ALDH18A1: variants seen among roughly 807,000 people sequenced by gnomAD.
The protein encoded by ALDH18A1 is delta-1-pyrroline-5-carboxylate synthase.
ALDH18A1 carries 44 observed loss-of-function variants against 88.8 expected under a neutral mutation model. That is an observed-to-expected ratio of 0.50 (90% CI 0.39 to 0.64). The LOEUF (loss-of-function observed/expected upper bound fraction) is 0.64. Ranked by LOEUF, ALDH18A1 falls within the 30% of genes least tolerant of loss-of-function variation. ALDH18A1 has a pLI of 0.00. For synonymous variants in ALDH18A1, 331 were observed against 372.1 expected, an observed-to-expected ratio of 0.89 and a Z score of 1.27; for missense variants, 782 against 1,009.5, an observed-to-expected ratio of 0.77 and a Z score of 3.05.
At chr10:95,608,795 G>A (rs1158107054) in intron 17 of ALDH18A1, among the ~76,000 whole-genome samples, 2 of 152,118 alleles carry the variant, frequency 1.3e-5, no homozygotes, top group African/African-American at 4.8e-5. Flanking sequence ...GCCACTGCCC[G>A]TGGCCTAAAA....
chr10:95,655,734 G>A (rs966156727), intron 1 of ALDH18A1, among the ~76,000 whole-genome samples: 1 of 152,012 alleles, frequency 6.6e-6, no homozygotes, highest in African/African-American at 2.4e-5. Flanking sequence ...CTAGATTTGT[G>A]TGACTGTGTC....
chr10:95,631,657 C>T (rs1435575432), intron 7 of ALDH18A1, among the ~76,000 whole-genome samples: 2 of 145,208 alleles, frequency 1.4e-5, no homozygotes, highest in East Asian at 2.1e-4. Context: ...GCAGGAGAAT[C>T]GCTTGAACCT....
intron 5 of ALDH18A1, among the ~76,000 whole-genome samples, chr10:95,634,637 G>A (rs1319210777): frequency 6.6e-6 from 1 of 152,150 alleles, no homozygotes; most frequent in Non-Finnish European, 1.5e-5. Flanking sequence ...GCTGAAAGGG[G>A]GGCAGAACAC....
chr10:95,644,589 T>A (rs1311740875), intron 2 of ALDH18A1, among the ~76,000 whole-genome samples: 1 of 152,212 alleles, frequency 6.6e-6, no homozygotes, highest in Non-Finnish European at 1.5e-5. Context: ...GCTTAGCTGC[T>A]TACTACTTAC....
intron 13 of ALDH18A1, among the ~76,000 whole-genome samples, chr10:95,615,444 C>T (rs1355295479): frequency 6.6e-6 from 1 of 152,048 alleles, no homozygotes; most frequent in African/African-American, 2.4e-5. Context: ...AGGGGGCCCT[C>T]CAGGATGTTG....
At position 95,634,650 on chromosome 10, in the gene ALDH18A1, C is replaced by G. The variant is rs532942861; in HGVS notation, c.559-1001G>C. Among the ~76,000 whole-genome samples, 5 of 152,304 alleles carry G rather than the reference C, an allele frequency of 3.3e-5. No individual in the cohort carries two copies. In the South Asian group the frequency reaches 8.3e-4, roughly 25 times the overall value. On this transcript the variant is annotated intron_variant, in intron 5 of 17. Coordinates refer to ENST00000371224, the MANE Select transcript of ALDH18A1 (RefSeq NM_002860.4). ...AAGCTGAAAGGGGGGCAGAACACAA[C>G]TTGGTTCAAGGGAGGAGATGAGCAT...
intron 2 of ALDH18A1, among the ~76,000 whole-genome samples, chr10:95,645,541 A>G (rs1448197858): frequency 6.6e-6 from 1 of 152,192 alleles, no homozygotes; most frequent in African/African-American, 2.4e-5. Context: ...GAAGGCGACT[A>G]TGGGTTCTCC....
intron 2 of ALDH18A1, among the ~76,000 whole-genome samples, chr10:95,652,032 T>C (rs564787377): frequency 6.6e-6 from 1 of 152,230 alleles, no homozygotes; most frequent in Non-Finnish European, 1.5e-5. Flanking sequence ...TAGCATTACA[T>C]ACTTCTCAGT....
At chr10:95,627,223 A>G (rs1203580647) in intron 9 of ALDH18A1, among the ~76,000 whole-genome samples, 1 of 152,146 alleles carries the variant, frequency 6.6e-6, no homozygotes. Context: ...GAGAAAATCA[A>G]TGCTTATATA....
At chr10:95,619,540 C>T (rs573107865) in intron 12 of ALDH18A1, among the ~76,000 whole-genome samples, 7 of 152,182 alleles carry the variant, frequency 4.6e-5, no homozygotes, top group Non-Finnish European at 7.3e-5. Flanking sequence ...TCAAACTACA[C>T]TACAAGGCTA....
At chr10:95,616,037 G>A (rs2097843612) in intron 13 of ALDH18A1, among the ~76,000 whole-genome samples, 1 of 152,174 alleles carries the variant, frequency 6.6e-6, no homozygotes, top group South Asian at 2.1e-4. Flanking sequence ...GAAATGGTCA[G>A]TTAAAGTGAT....
At chr10:95,607,382 G>A (rs1304667580) in intron 17 of ALDH18A1, among the ~76,000 whole-genome samples, 1 of 152,172 alleles carries the variant, frequency 6.6e-6, no homozygotes, top group Non-Finnish European at 1.5e-5. Flanking sequence ...AGAAGTCTTA[G>A]CACAAGGGAC....
intron 2 of ALDH18A1, among the ~76,000 whole-genome samples, chr10:95,644,876 A>G (rs2097898539): frequency 6.6e-6 from 1 of 152,242 alleles, no homozygotes; most frequent in South Asian, 2.1e-4. Context: ...CTGTGAAGCA[A>G]CAAGAAAGAA....
intron 1 of ALDH18A1, among the ~76,000 whole-genome samples, chr10:95,654,488 C>T (rs981353443): frequency 3.9e-5 from 6 of 152,060 alleles, no homozygotes; most frequent in African/African-American, 9.7e-5. Flanking sequence ...AAATACTTCA[C>T]TTTCTTTGTT....
intron 17 of ALDH18A1, among the ~76,000 whole-genome samples, chr10:95,609,548 C>T (rs1008503218): frequency 9.2e-5 from 14 of 152,210 alleles, no homozygotes; most frequent in African/African-American, 1.9e-4. Flanking sequence ...CGGGAGAACC[C>T]AGGCTTTGGA....
intron 12 of ALDH18A1, among the ~76,000 whole-genome samples, chr10:95,617,609 C>CTGA (rs1305393902): frequency 6.6e-6 from 1 of 152,212 alleles, no homozygotes; most frequent in Non-Finnish European, 1.5e-5. Context: ...TGACACTGAC[C>CTGA]TGATCATCCT....
intron 6 of ALDH18A1, 72 bp downstream of exon 6, chr10:95,633,419 G>A (rs1246518658): frequency 6.4e-7 from 1 of 1,567,770 alleles, no homozygotes; most frequent in African/African-American, 1.4e-5. Context: ...CAAACTTCTG[G>A]TGTTAGTGCA....
chr10:95,636,852 A>G (rs2097881604), intron 5 of ALDH18A1, among the ~76,000 whole-genome samples: 1 of 152,274 alleles, frequency 6.6e-6, no homozygotes, highest in Non-Finnish European at 1.5e-5. Context: ...ACACTATACT[A>G]AATGCTTTTC....
At chr10:95,619,035 G>A (rs927284612) in intron 12 of ALDH18A1, among the ~76,000 whole-genome samples, 1 of 152,100 alleles carries the variant, frequency 6.6e-6, no homozygotes, top group African/African-American at 2.4e-5. Flanking sequence ...TTGGTTAAAA[G>A]ACCTTCACAC....
Sources: gnomAD v4.1 joint callset for allele counts (sites outside exome capture counted in the v4.1 genomes callset) on GRCh38, gnomAD v4.1.1 for gene constraint, MANE v1.5 for transcripts, NCBI Gene and HGNC (gene_info 2026-07-23, HGNC 2026-07-21) for gene names.